Variants in ZCCHC2 observed in about 807,000 individuals in gnomAD.
ZCCHC2 encodes the protein zinc finger CCHC domain-containing protein 2.
A neutral mutation model predicts 103.6 loss-of-function variants in ZCCHC2; 39 were observed. The observed-to-expected ratio is 0.38, with a 90% confidence interval of 0.29 to 0.49. The LOEUF (loss-of-function observed/expected upper bound fraction) is 0.49. Among genes scored for constraint, ZCCHC2 ranks in the 20% least tolerant of loss-of-function variants. ZCCHC2 has a pLI of 0.96. For missense variants in ZCCHC2, 1,483 were observed against 1,491.0 expected (o/e 0.99, Z 0.09); for synonymous variants, 687 against 608.9 (o/e 1.13, Z -1.89).
At chr18:62,542,180 G>T (rs1915219289) in intron 2 of ZCCHC2, among the ~76,000 whole-genome samples, 1 of 152,066 alleles carries the variant, frequency 6.6e-6, no homozygotes, top group Non-Finnish European at 1.5e-5. Flanking sequence ...TTATCATTTG[G>T]AAAAATATTT....
chr18:62,571,188 A>G (rs1023500631), intron 12 of ZCCHC2, among the ~76,000 whole-genome samples: 5 of 146,294 alleles, frequency 3.4e-5, no homozygotes, highest in Admixed American at 2.1e-4. Context: ...AGGCTGTAAC[A>G]CAGAGTGAGT....
At chr18:62,538,599 T>G (rs1915035976) in intron 1 of ZCCHC2, among the ~76,000 whole-genome samples, 1 of 152,210 alleles carries the variant, frequency 6.6e-6, no homozygotes, top group Non-Finnish European at 1.5e-5. Flanking sequence ...TGTACTCTCC[T>G]TATTAAATGG....
intron 2 of ZCCHC2, 106 bp from the exon 3 acceptor site, chr18:62,542,392 G>C: frequency 1.4e-6 from 1 of 711,196 alleles, no homozygotes; most frequent in Non-Finnish European, 2.3e-6. Context: ...ATGAAAGTGA[G>C]TAGCTTAATT....
At chr18:62,564,428 T>TGG in intron 9 of ZCCHC2, 143 bp from the exon 10 acceptor site, 1 of 536,094 alleles carries the variant, frequency 1.9e-6, no homozygotes, top group South Asian at 3.5e-5. Context: ...GTGGTTCAGG[T>TGG]GGGAAACTTC....
intron 1 of ZCCHC2, among the ~76,000 whole-genome samples, chr18:62,530,949 A>G (rs566422046): frequency 2.0e-5 from 3 of 152,352 alleles, no homozygotes; most frequent in Admixed American, 6.5e-5. Flanking sequence ...TTCAGAGCAC[A>G]GACTAGAATC....
At chr18:62,542,368 G>A (rs1915233200) in intron 2 of ZCCHC2, 130 bp from the exon 3 acceptor site, 6 of 609,778 alleles carry the variant, frequency 9.8e-6, no homozygotes, top group Non-Finnish European at 1.7e-5. Flanking sequence ...CATGATTTAA[G>A]ACCAGTCATA....
At chr18:62,537,151 C>T (rs1296689944) in intron 1 of ZCCHC2, among the ~76,000 whole-genome samples, 1 of 152,114 alleles carries the variant, frequency 6.6e-6, no homozygotes, top group African/African-American at 2.4e-5. Flanking sequence ...CACCCTATTC[C>T]CTCCAGTACC....
At chr18:62,554,738 T>C (rs946466883) in intron 5 of ZCCHC2, among the ~76,000 whole-genome samples, 7 of 152,192 alleles carry the variant, frequency 4.6e-5, no homozygotes, top group African/African-American at 1.7e-4. Context: ...CACCACTGCC[T>C]TTGGATTTTA....
At position 62,524,169 on chromosome 18, in the gene ZCCHC2, G is replaced by C; in HGVS notation, c.745G>C (p.Gly249Arg). The C allele has an allele frequency of 6.5e-7, 1 of 1,547,034 alleles. No homozygotes were observed. Among genetic ancestry groups the C allele is most frequent in the Non-Finnish European group, 8.7e-7 (1 of 1,146,044 alleles). ...EGGIVEPRVG[G>R]GLGSRAQEEL... Reference sequence around the variant, plus strand: ...CGGCATTGTGGAGCCCCGGGTCGGCGGCGGGCTTGGCTCCAGGGCCCAGGA... The same window carrying C: ...CGGCATTGTGGAGCCCCGGGTCGGCCGCGGGCTTGGCTCCAGGGCCCAGGA... The change falls in exon 1 of 14, where the codon GGC (glycine) becomes CGC (arginine). Residue 249 changes from glycine (G) to arginine (R), a missense_variant. Transcript: ENST00000269499.
chr18:62,525,362 G>T (rs1914335543), intron 1 of ZCCHC2: 1 of 152,040 alleles, frequency 6.6e-6, no homozygotes, highest in African/African-American at 2.4e-5. Context: ...GTTTCAGTAA[G>T]AGTGAGAACT....
At chr18:62,570,282 G>A (rs1916543379) in intron 12 of ZCCHC2, 51 bp downstream of exon 12, 1 of 1,589,008 alleles carries the variant, frequency 6.3e-7, no homozygotes, top group Admixed American at 1.8e-5. Flanking sequence ...GTGGGGAAGT[G>A]GAGGGAAATG....
rs765894084 is a variant in ZCCHC2, at chr18:62,574,927, G to A, written c.2846G>A (p.Gly949Asp). The change falls in exon 13 of 14, where the codon GGT becomes GAT. Residue 949 changes from glycine to aspartate, a missense_variant. By Grantham distance (94) the Gly-to-Asp change is moderately conservative. This residue lies in a region of ZCCHC2 where 884 missense variants were observed against 907.5 expected (regional missense o/e 0.97). Transcript: ENST00000269499. ...ACTTCTCCCCAGCCAGCGAGCGCAG[G>A]TATCAGCCAGGCCCAGGCAACTGTT... ...AATSPQPASAGISQAQATVPP... is the reference protein window; with the variant it reads ...AATSPQPASADISQAQATVPP... 1.2e-6 allele frequency: 2 copies of A among 1,613,812 alleles called. No homozygotes were observed. The highest frequency in any genetic ancestry group is 2.2e-5 in the South Asian group (2 of 91,088).
At chr18:62,526,321 G>C (rs1568534383) in intron 1 of ZCCHC2, 1 of 152,316 alleles carries the variant, frequency 6.6e-6, no homozygotes, top group Non-Finnish European at 1.5e-5. Flanking sequence ...ATAAATCATA[G>C]GGGCCGCGTA....
chr18:62,528,502 G>A (rs1221623081), intron 1 of ZCCHC2, among the ~76,000 whole-genome samples: 3 of 151,930 alleles, frequency 2.0e-5, no homozygotes, highest in African/African-American at 4.8e-5. Flanking sequence ...TGGAGGCTGA[G>A]GCAGGAGAAT....
Position 62,524,012 on chromosome 18 carries a change from C to T in ZCCHC2, c.588C>T (p.Pro196=), listed in dbSNP as rs1914207302. 4.7e-6 allele frequency: 7 copies of T among 1,481,824 alleles called. No homozygotes were observed. The highest frequency in any genetic ancestry group is 6.2e-6 in the Non-Finnish European group (7 of 1,125,146). The allele number at this position is 1,481,824 out of a possible 1,614,324, so 91.8% of individuals were successfully genotyped here. ...EAAGRLHRLL[P]QVDSVLKSLR... is the part of the protein sequence containing the mutation. ...CTGGCCGTCTGCACCGCCTGCTACCCCAGGTGGACTCGGTGCTCAAAAGCC... is the reference window on the plus strand; with the variant it reads ...CTGGCCGTCTGCACCGCCTGCTACCTCAGGTGGACTCGGTGCTCAAAAGCC... Residue 196 remains proline (P), a synonymous_variant, in exon 1 of 14, where the codon CCC becomes CCT. Transcript: ENST00000269499.
rs1179401995 is a variant in ZCCHC2, at chr18:62,523,552, C to CG, written c.128_129insG (p.Pro45AlafsTer276). 4.4e-6 allele frequency: 4 copies of CG among 912,158 alleles called. No individual in the cohort carries two copies. Among genetic ancestry groups the CG allele is most frequent in the Non-Finnish European group, 5.0e-6 (4 of 793,676 alleles). The allele number at this position is 912,158 out of a possible 1,614,324, so 56.5% of individuals were successfully genotyped here. On this transcript the variant is annotated frameshift_variant, in exon 1 of 14. Coordinates refer to ENST00000269499, the MANE Select transcript of ZCCHC2 (RefSeq NM_017742.6). LOFTEE classifies it high-confidence loss of function. ...TCGCGCCGCCGCCGCGACTGCCGCCCCCCGCCGCCGCCGCCGCCGCCCGCG... is the reference window on the plus strand; with the variant it reads ...TCGCGCCGCCGCCGCGACTGCCGCCCGCCCGCCGCCGCCGCCGCCGCCCGCG...
In ZCCHC2 at chr18:62,574,285, T is replaced by C. The variant is rs1188199300; in HGVS notation, c.2204T>C (p.Val735Ala). The change falls in exon 13 of 14, where the codon GTT (valine) becomes GCT (alanine). Residue 735 changes from valine to alanine, a missense_variant. Physicochemically the swap from Val to Ala is moderately conservative, Grantham distance 64. Around this residue, in one of 3 missense-constraint regions of ZCCHC2, gnomAD observed 884 missense variants for 907.5 expected, o/e 0.97. Coordinates refer to ENST00000269499, the MANE Select transcript of ZCCHC2 (RefSeq NM_017742.6). ...CACAATGGTGCCCAGAAGTCTGAAGTTGTCGTTCCTGCACCCAAACCCGCT... is the reference window on the plus strand; with the variant it reads ...CACAATGGTGCCCAGAAGTCTGAAGCTGTCGTTCCTGCACCCAAACCCGCT... ...VMHNGAQKSE[V>A]VVPAPKPADG... 5 of 1,613,936 alleles carry C rather than the reference T, an allele frequency of 3.1e-6. No homozygotes were observed. Among genetic ancestry groups the C allele is most frequent in the African/African-American group, 2.7e-5 (2 of 74,940 alleles).
chr18:62,537,076 C>G (rs998936567), intron 1 of ZCCHC2, among the ~76,000 whole-genome samples: 3 of 152,178 alleles, frequency 2.0e-5, no homozygotes, highest in African/African-American at 4.8e-5. Flanking sequence ...TGTCATGAGT[C>G]ATCACCTCTG....
intron 9 of ZCCHC2, among the ~76,000 whole-genome samples, 197 bp from the exon 10 acceptor site, chr18:62,564,374 A>G (rs1364339211): frequency 6.6e-6 from 1 of 152,168 alleles, no homozygotes; most frequent in Admixed American, 6.5e-5. Flanking sequence ...TACTGTATTA[A>G]TCATGAGGAA....
Sources: allele counts gnomAD v4.1 joint callset (sites outside exome capture counted in the v4.1 genomes callset), GRCh38; gene constraint gnomAD v4.1.1; regional missense constraint gnomAD v4.1.1; transcripts MANE v1.5; gene names NCBI Gene and HGNC (gene_info 2026-07-23, HGNC 2026-07-21).